The following CSMD1 variants were observed in gnomAD, a reference collection of about 807,000 sequenced individuals.
CSMD1 encodes CUB and sushi domain-containing protein 1.
A neutral mutation model predicts 417.5 loss-of-function variants in CSMD1; 213 were observed. The ratio of observed to expected loss-of-function variants is 0.51; its 90% confidence interval spans 0.46 to 0.57. CSMD1 has a LOEUF of 0.57. CSMD1 is among the 20% of genes least tolerant of loss of function. The pLI, the probability that CSMD1 is intolerant of heterozygous loss-of-function variation, is 0.00. For missense variants in CSMD1, 6,923 were observed against 4,529.7 expected, an observed-to-expected ratio of 1.53 and a Z score of -15.17; for synonymous variants, 2,862 against 1,736.8, an observed-to-expected ratio of 1.65 and a Z score of -16.11.
intron 5 of CSMD1, among the ~76,000 whole-genome samples, chr8:3,773,738 T>A (rs552027996): frequency 1.3e-5 from 2 of 152,198 alleles, no homozygotes; most frequent in Non-Finnish European, 2.9e-5. Context: ...AGGGCAAGCA[T>A]GATGGGCGGT....
chr8:3,090,328 A>AAAAAGG (rs1814856180), intron 48 of CSMD1, among the ~76,000 whole-genome samples: 1 of 147,772 alleles, frequency 6.8e-6, no homozygotes, highest in African/African-American at 2.6e-5. Flanking sequence ...AAAAAAAAAA[A>AAAAAGG]AAAAAAAAAA....
At chr8:4,914,692 C>A (rs960539933) in intron 1 of CSMD1, among the ~76,000 whole-genome samples, 1 of 151,784 alleles carries the variant, frequency 6.6e-6, no homozygotes, top group Non-Finnish European at 1.5e-5. Context: ...AAAATGAACT[C>A]GGAAAAGGAA....
At chr8:4,645,861 T>A (rs541216892) in intron 1 of CSMD1, among the ~76,000 whole-genome samples, 1 of 152,268 alleles carries the variant, frequency 6.6e-6, no homozygotes, top group East Asian at 1.9e-4. Flanking sequence ...CACGCCTGCA[T>A]GTGCTCCTCC....
chr8:4,150,364 G>T (rs899255041), intron 3 of CSMD1, among the ~76,000 whole-genome samples: 14 of 152,162 alleles, frequency 9.2e-5, no homozygotes, highest in Admixed American at 4.6e-4. Context: ...AGTGTCTGCA[G>T]CTGTCTTTTG....
chr8:3,849,368 C>A (rs1227961148), intron 5 of CSMD1, among the ~76,000 whole-genome samples: 3 of 152,064 alleles, frequency 2.0e-5, no homozygotes, highest in Non-Finnish European at 2.9e-5. Flanking sequence ...GTCCACTACC[C>A]GCAGCTGCCA....
intron 31 of CSMD1, 33 bp from the exon 32 acceptor site, chr8:3,201,758 A>C: frequency 7.5e-7 from 1 of 1,327,410 alleles, no homozygotes; most frequent in Non-Finnish European, 1.1e-6. Flanking sequence ...TTGGCACAAG[A>C]TGCTCTAAGA....
In CSMD1 at chr8:3,405,854, G is replaced by C. The variant is rs138526020; in HGVS notation, c.2266+173C>G. 8.4e-3 allele frequency among the ~76,000 whole-genome samples: 1,272 copies of C among 152,328 alleles called. 6 individuals carry two copies. The highest frequency in any genetic ancestry group is 0.014 in the Admixed American group (217 of 15,300). ...CCCTGCCGATGACACCTGGATCTCA[G>C]ACTTCCAGCCTCCAGAACTGGGAGA... On this transcript the variant is annotated intron_variant, in intron 15 of 69. Transcript: ENST00000635120.
At position 4,535,548 on chromosome 8, in the gene CSMD1, G is replaced by A. The variant is rs1330545743; in HGVS notation, c.302+101794C>T. Among the ~76,000 whole-genome samples, 3 of 152,004 alleles carry A rather than the reference G, an allele frequency of 2.0e-5. No homozygotes were observed. The East Asian group carries it at 5.8e-4, about 29-fold the overall frequency. ...CAAATTTTTTATCTTGTAACAGTAAGAGCTCTCCAAGTTACTCGTAGGTTA... is the reference window on the plus strand; with the variant it reads ...CAAATTTTTTATCTTGTAACAGTAAAAGCTCTCCAAGTTACTCGTAGGTTA... On this transcript the variant is annotated intron_variant, in intron 2 of 69. Transcript: ENST00000635120.
chr8:3,979,755 T>C (rs1813713722), intron 5 of CSMD1, among the ~76,000 whole-genome samples: 1 of 152,208 alleles, frequency 6.6e-6, no homozygotes, highest in Non-Finnish European at 1.5e-5. Flanking sequence ...CTCAGAACTG[T>C]GAGAAATAAG....
chr8:4,787,885 A>T, intron 1 of CSMD1: 1 of 1,580,130 alleles, frequency 6.3e-7, no homozygotes, highest in Non-Finnish European at 8.7e-7. Flanking sequence ...TGATATGAAG[A>T]TTGAATTTGG....
intron 5 of CSMD1, among the ~76,000 whole-genome samples, chr8:3,834,099 T>C (rs911678745): frequency 2.0e-5 from 3 of 152,218 alleles, no homozygotes; most frequent in Non-Finnish European, 4.4e-5. Flanking sequence ...TTTCTTAAAA[T>C]TGTTTTTGTT....
chr8:3,918,008 C>T (rs1394986669), intron 5 of CSMD1, among the ~76,000 whole-genome samples: 1 of 152,086 alleles, frequency 6.6e-6, no homozygotes, highest in East Asian at 1.9e-4. Flanking sequence ...TTCACGCATG[C>T]TGTTGCAAAT....
chr8:4,654,686 G>C (rs760361852), intron 1 of CSMD1, among the ~76,000 whole-genome samples: 1 of 152,024 alleles, frequency 6.6e-6, no homozygotes, highest in East Asian at 1.9e-4. Flanking sequence ...GCTTTCCAGT[G>C]GTCTCACACC....
intron 12 of CSMD1, among the ~76,000 whole-genome samples, chr8:3,433,836 C>T (rs76546292): frequency 0.016 from 2,425 of 152,342 alleles, 58 homozygotes; most frequent in African/African-American, 0.053. Context: ...CGTGGCAGCT[C>T]AGCCATTCTC....
intron 6 of CSMD1, among the ~76,000 whole-genome samples, chr8:3,742,006 T>C (rs1192753662): frequency 6.6e-6 from 1 of 150,730 alleles, no homozygotes; most frequent in Non-Finnish European, 1.5e-5. Flanking sequence ...CCCTGCAAAT[T>C]GCCTTTCGAG....
At chr8:4,078,891 TAATAA>T (rs1354963634) in intron 3 of CSMD1, among the ~76,000 whole-genome samples, 42 of 109,598 alleles carry the variant, frequency 3.8e-4, no homozygotes, top group African/African-American at 1.6e-3. Flanking sequence ...ATAATAATAA[TAATAA>T]ATATATATAT....
At chr8:3,621,595 T>G (rs1475534047) in intron 7 of CSMD1, among the ~76,000 whole-genome samples, 1 of 151,854 alleles carries the variant, frequency 6.6e-6, no homozygotes, top group African/African-American at 2.4e-5. Flanking sequence ...CTTTTCTTAC[T>G]TTTTTTTCTT....
At chr8:4,623,878 AG>A (rs1011095319) in intron 2 of CSMD1, among the ~76,000 whole-genome samples, 4 of 152,104 alleles carry the variant, frequency 2.6e-5, no homozygotes, top group African/African-American at 9.7e-5. Flanking sequence ...TCACAAGAAA[AG>A]TTTTGTGGGT....
chr8:4,862,185 T>G (rs1293865533), intron 1 of CSMD1, among the ~76,000 whole-genome samples: 3 of 151,982 alleles, frequency 2.0e-5, no homozygotes, highest in Non-Finnish European at 4.4e-5. Context: ...GGTTTATTGT[T>G]CCTTGAACCT....
Sources: gnomAD v4.1 joint callset for allele counts (sites outside exome capture counted in the v4.1 genomes callset) on GRCh38, gnomAD v4.1.1 for gene constraint, MANE v1.5 for transcripts, NCBI Gene and HGNC (gene_info 2026-07-23, HGNC 2026-07-21) for gene names.